HIRA: variants seen among roughly 807,000 people sequenced by gnomAD.
The protein encoded by HIRA is histone cell cycle regulator.
Under a neutral mutation model 126.6 loss-of-function variants are expected in HIRA, and 13 were observed. The ratio of observed to expected loss-of-function variants is 0.10; its 90% CI spans 0.07 to 0.16. HIRA has a LOEUF of 0.16. Among genes scored for constraint, HIRA ranks in the 10% least tolerant of loss-of-function variants. HIRA has a pLI of 1.00. For missense variants in HIRA, 834 were observed against 1,314.4 expected (o/e 0.63, Z 5.65); for synonymous variants, 511 against 520.0 (o/e 0.98, Z 0.24).
At position 19,398,023 on chromosome 22, in the gene HIRA, A is replaced by G; in HGVS notation, c.462T>C (p.Thr154=). The change falls in exon 6 of 25, where the codon ACT becomes ACC. Residue 154 remains threonine (T), a synonymous_variant. Coordinates refer to ENST00000263208, the MANE Select transcript of HIRA (RefSeq NM_003325.4). ...ACTTTACAGCATTCCAGATGACGACAGTGTTATCCACGCTGCATGAGGCTA... is the reference window on the plus strand; with the variant it reads ...ACTTTACAGCATTCCAGATGACGACGGTGTTATCCACGCTGCATGAGGCTA... ...AWLASCSVDN[T]VVIWNAVKFP... is the part of the protein sequence containing the mutation. 11 of 1,614,078 alleles carry G rather than the reference A, an allele frequency of 6.8e-6. No individual in the cohort carries two copies. The highest frequency in any genetic ancestry group is 9.3e-6 in the Non-Finnish European group (11 of 1,179,988).
At chr22:19,427,229 G>A (rs552023158) in intron 1 of HIRA, among the ~76,000 whole-genome samples, 32 of 152,262 alleles carry the variant, frequency 2.1e-4, no homozygotes, top group Admixed American at 7.2e-4. Flanking sequence ...ACCCTGTTGT[G>A]ACAACCACAA....
intron 15 of HIRA, among the ~76,000 whole-genome samples, chr22:19,370,226 G>A (rs988874349): frequency 2.0e-5 from 3 of 151,952 alleles, no homozygotes; most frequent in African/African-American, 4.8e-5. Context: ...TTACAGGCAT[G>A]AGCCACCACG....
At chr22:19,370,122 TG>T (rs1208034578) in intron 15 of HIRA, among the ~76,000 whole-genome samples, 1 of 152,174 alleles carries the variant, frequency 6.6e-6, no homozygotes, top group Non-Finnish European at 1.5e-5. Context: ...GGCTAATTTT[TG>T]TATTTTTATA....
Position 19,388,478 on chromosome 22 carries a change from C to T in HIRA, c.1007+6G>A, listed in dbSNP as rs2089148058. 2 of 1,603,690 alleles carry T rather than the reference C, an allele frequency of 1.2e-6. No homozygotes were observed. Among genetic ancestry groups the T allele is most frequent in the African/African-American group, 2.7e-5 (2 of 74,688 alleles). ...AACCTATTCCTGTAAGTAGAATCCA[C>T]CTTACCAGGAAATATCCATGATGGA... On this transcript the variant is annotated splice_donor_region_variant and intron_variant, in intron 10 of 24. Coordinates refer to ENST00000263208, the MANE Select transcript of HIRA (RefSeq NM_003325.4).
At chr22:19,370,392 C>T (rs2088954114) in intron 15 of HIRA, among the ~76,000 whole-genome samples, 2 of 152,118 alleles carry the variant, frequency 1.3e-5, no homozygotes, top group Admixed American at 1.3e-4. Flanking sequence ...TACAGGCACG[C>T]ACCACCATGC....
Position 19,351,541 on chromosome 22 carries a change from G to C in HIRA, c.2849-95C>G, listed in dbSNP as rs1005426924. On this transcript the variant is annotated intron_variant, in intron 23 of 24. Transcript: ENST00000263208. The surrounding 1 kb of genome is among the most constrained non-coding windows in gnomAD (Gnocchi z 4.8). ...GAAATAAAATCAAGAATATGTTGTT[G>C]TGTCTATCAAATCAGAATAAACACA... 2.2e-5 allele frequency: 22 copies of C among 983,704 alleles called. No homozygotes were observed. The Admixed American group carries it at 4.6e-4, about 20-fold the overall frequency. 60.9% of individuals were successfully genotyped at this position (983,704 alleles called of 1,614,324 possible). A position where few individuals can be genotyped will look rare whatever the true frequency, so the allele number is the denominator to read the frequency against.
chr22:19,361,914 A>G lies in HIRA; in HGVS notation c.1793T>C (p.Leu598Pro). 1 of 1,614,166 alleles carries G rather than the reference A, an allele frequency of 6.2e-7. No individual in the cohort carries two copies. Among genetic ancestry groups the G allele is most frequent in the Non-Finnish European group, 8.5e-7 (1 of 1,180,014 alleles). ...TAVERLKEQN[L>P]VKELRPRDLL... Reference sequence around the variant, plus strand: ...GTCTCGGGGCCTCAGCTCTTTCACAAGGTTCTGCTCTTTTAACCTGCACAA... The same window carrying G: ...GTCTCGGGGCCTCAGCTCTTTCACAGGGTTCTGCTCTTTTAACCTGCACAA... Residue 598 changes from leucine (L) to proline (P), a missense_variant, in exon 16 of 25, where the codon CTT (leucine) becomes CCT (proline). By Grantham distance (98) the Leu-to-Pro change is moderately conservative. Coordinates refer to ENST00000263208, the MANE Select transcript of HIRA (RefSeq NM_003325.4).
chr22:19,397,840 G>A (rs1481773358), intron 6 of HIRA, 152 bp downstream of exon 6: 3 of 587,246 alleles, frequency 5.1e-6, no homozygotes, highest in Non-Finnish European at 9.1e-6. Context: ...TTAAACAAAT[G>A]TAACTGACAA....
intron 15 of HIRA, among the ~76,000 whole-genome samples, chr22:19,369,038 C>T (rs1454032227): frequency 1.3e-5 from 2 of 152,218 alleles, no homozygotes; most frequent in South Asian, 2.1e-4. Context: ...CCAGGTAAAT[C>T]GATCTACAGC....
chr22:19,380,510 A>G (rs989288879), intron 13 of HIRA, among the ~76,000 whole-genome samples: 3 of 152,204 alleles, frequency 2.0e-5, no homozygotes, highest in African/African-American at 7.2e-5. Context: ...GAGTTATGAC[A>G]GCTTTTAAGT....
intron 24 of HIRA, among the ~76,000 whole-genome samples, chr22:19,345,330 G>A (rs1345781781): frequency 6.6e-6 from 1 of 152,246 alleles, no homozygotes; most frequent in African/African-American, 2.4e-5. Flanking sequence ...CCTCTGGCCT[G>A]AAGGCAATGT....
intron 9 of HIRA, among the ~76,000 whole-genome samples, chr22:19,391,545 G>A (rs964554722): frequency 4.0e-5 from 6 of 149,892 alleles, no homozygotes; most frequent in Non-Finnish European, 8.9e-5. Context: ...GCAGTGGCGC[G>A]GTCTCAGCTC....
intron 13 of HIRA, among the ~76,000 whole-genome samples, chr22:19,380,141 T>C (rs1181520874): frequency 6.6e-6 from 1 of 152,196 alleles, no homozygotes; most frequent in Non-Finnish European, 1.5e-5. Context: ...ATTTTAAAAT[T>C]TTTGTGTACT....
At chr22:19,352,549 G>A (rs1451527391) in intron 23 of HIRA, among the ~76,000 whole-genome samples, 3 of 152,098 alleles carry the variant, frequency 2.0e-5, no homozygotes, top group African/African-American at 7.3e-5. Flanking sequence ...GTTTACAAGT[G>A]TATGTACACA....
intron 6 of HIRA, 63 bp from the exon 7 acceptor site, chr22:19,397,010 G>C: frequency 2.0e-6 from 3 of 1,500,788 alleles, no homozygotes; most frequent in South Asian, 1.2e-5. Context: ...GCAATCCATG[G>C]GCCATGGGAT....
rs936039348 is a variant in HIRA, at chr22:19,377,727, C to T, written c.1613+142G>A. The stretch of plus-strand genomic sequence containing the variant: ...CAAGTCCTCCCCTCTGAGAAGTCCC[C>T]ATTTCAAATCACGCATTTTTTTCTT... On this transcript the variant is annotated intron_variant, in intron 14 of 24. Transcript: ENST00000263208. 5 of 710,056 alleles carry T rather than the reference C, an allele frequency of 7.0e-6. No individual in the cohort carries two copies. In the African/African-American group the frequency reaches 9.0e-5, roughly 13 times the overall value. The allele number at this position is 710,056 out of a possible 1,614,324, so 44.0% of individuals were successfully genotyped here. A position where few individuals can be genotyped will look rare whatever the true frequency, so the allele number is the denominator to read the frequency against.
intron 1 of HIRA, among the ~76,000 whole-genome samples, chr22:19,422,169 T>TACACACACACACACACACACACACACAC (rs762601560): frequency 9.0e-6 from 1 of 111,584 alleles, no homozygotes; most frequent in African/African-American, 2.9e-5. Flanking sequence ...TGTGTTTATA[T>TACACACACACACACACACACACACACAC]ATACACACAC....
intron 7 of HIRA, 122 bp downstream of exon 7, chr22:19,396,665 C>A: frequency 2.1e-6 from 2 of 957,934 alleles, no homozygotes; most frequent in Non-Finnish European, 3.2e-6. Flanking sequence ...CCGCTCAGGC[C>A]CCCGGACTCT....
At chr22:19,385,453 G>A in intron 12 of HIRA, 68 bp downstream of exon 12, 1 of 1,446,290 alleles carries the variant, frequency 6.9e-7, no homozygotes. Flanking sequence ...ACCACCACTG[G>A]TGTCTGCCCC....
Sources: allele counts gnomAD v4.1 joint callset (sites outside exome capture counted in the v4.1 genomes callset), GRCh38; gene constraint gnomAD v4.1.1; non-coding constraint Gnocchi (gnomAD v3.1); transcripts MANE v1.5; gene names NCBI Gene and HGNC (gene_info 2026-07-23, HGNC 2026-07-21).